LINGO2: variants seen among roughly 807,000 people sequenced by gnomAD.
LINGO2 encodes leucine rich repeat and Ig domain containing 2.
LINGO2 carries 14 observed loss-of-function variants against 30.6 expected under a neutral mutation model. The ratio of observed to expected loss-of-function variants is 0.46; its 90% CI spans 0.30 to 0.72. The LOEUF is 0.72. Ranked by LOEUF, LINGO2 falls within the 30% of genes least tolerant of loss-of-function variation. The pLI is 0.07. For missense variants in LINGO2, 729 were observed against 751.7 expected (o/e 0.97, Z 0.35); for synonymous variants, 317 against 288.5 (o/e 1.10, Z -1.00).
At chr9:28,638,949 G>A (rs1324431773) in intron 1 of LINGO2, among the ~76,000 whole-genome samples, 1 of 151,840 alleles carries the variant, frequency 6.6e-6, no homozygotes. Flanking sequence ...TTTCTCTTGT[G>A]GGCATTTAGT....
chr9:29,035,939 T>TA, the LINGO2 span, among the ~76,000 whole-genome samples: 2 of 151,892 alleles, frequency 1.3e-5, no homozygotes, highest in Admixed American at 1.3e-4. Context: ...GAAAACTGTT[T>TA]AGAGATGAGA....
intron 2 of LINGO2, among the ~76,000 whole-genome samples, chr9:28,467,197 T>C (rs1384268358): frequency 6.6e-6 from 1 of 152,052 alleles, no homozygotes; most frequent in Non-Finnish European, 1.5e-5. Flanking sequence ...GGCTAATTTT[T>C]TGTATTTTTA....
the LINGO2 span, among the ~76,000 whole-genome samples, chr9:28,929,151 C>T: frequency 6.6e-6 from 1 of 152,170 alleles, no homozygotes; most frequent in African/African-American, 2.4e-5. Context: ...CTGTTTCTCT[C>T]TCACATGACT....
intron 1 of LINGO2, among the ~76,000 whole-genome samples, chr9:28,489,758 G>A (rs1284779564): frequency 6.6e-6 from 1 of 151,426 alleles, no homozygotes; most frequent in South Asian, 2.1e-4. Context: ...ATTAGCTGGG[G>A]GTGGTGGTGC....
intron 4 of LINGO2, among the ~76,000 whole-genome samples, chr9:28,222,190 C>A (rs1820988871): frequency 6.6e-6 from 1 of 151,926 alleles, no homozygotes; most frequent in African/African-American, 2.4e-5. Context: ...GAAATATTTC[C>A]CATTCAGTAA....
At chr9:28,117,196 G>A (rs887151397) in intron 4 of LINGO2, among the ~76,000 whole-genome samples, 2 of 151,950 alleles carry the variant, frequency 1.3e-5, no homozygotes, top group East Asian at 1.9e-4. Flanking sequence ...TGCCCCTGGT[G>A]GGGGGTGCCT....
At chr9:29,040,937 C>T in the LINGO2 span, among the ~76,000 whole-genome samples, 1 of 151,970 alleles carries the variant, frequency 6.6e-6, no homozygotes, top group South Asian at 2.1e-4. Flanking sequence ...AATATACATA[C>T]TGAGTTCATT....
At chr9:28,200,914 A>AAATAAATC (rs1170323844) in intron 4 of LINGO2, among the ~76,000 whole-genome samples, 67 of 152,306 alleles carry the variant, frequency 4.4e-4, no homozygotes, top group Non-Finnish European at 5.7e-4. Flanking sequence ...AAAAGATTAA[A>AAATAAATC]AATAAATCAA....
the LINGO2 span, among the ~76,000 whole-genome samples, chr9:28,807,008 A>T: frequency 8.6e-5 from 13 of 150,976 alleles, no homozygotes; most frequent in African/African-American, 2.7e-4. Context: ...TATTATTATT[A>T]TTTTTATAAT....
chr9:27,997,390 GCTCCCCCCTCCCC>G (rs1468925333), intron 5 of LINGO2, among the ~76,000 whole-genome samples: 1 of 152,048 alleles, frequency 6.6e-6, no homozygotes, highest in African/African-American at 2.4e-5. Context: ...TTTGAGATGT[GCTCCCCCCTCCCC>G]CCGTCATAAG....
intron 1 of LINGO2, among the ~76,000 whole-genome samples, chr9:28,561,176 C>A (rs73644066): frequency 0.028 from 4,268 of 151,918 alleles, 186 homozygotes; most frequent in African/African-American, 0.094. Flanking sequence ...TTTCTCTTAC[C>A]ATATGCACTC....
the LINGO2 span, among the ~76,000 whole-genome samples, chr9:28,781,276 C>T: frequency 6.6e-6 from 1 of 151,980 alleles, no homozygotes. Context: ...AGCCAGATGC[C>T]GGGCTCTTAT....
chr9:28,683,349 A>G, the LINGO2 span, among the ~76,000 whole-genome samples: 5 of 152,096 alleles, frequency 3.3e-5, no homozygotes, highest in East Asian at 7.7e-4. Context: ...CTCCATACCA[A>G]TATCTACATG....
intron 1 of LINGO2, among the ~76,000 whole-genome samples, chr9:28,600,275 A>G (rs1383645775): frequency 6.6e-6 from 1 of 152,184 alleles, no homozygotes; most frequent in Non-Finnish European, 1.5e-5. Context: ...TTGTTTCCCC[A>G]GTAATGAGGA....
the LINGO2 span, among the ~76,000 whole-genome samples, chr9:28,706,361 C>A: frequency 2.6e-5 from 4 of 152,062 alleles, no homozygotes; most frequent in African/African-American, 7.2e-5. Context: ...TAAGCACAAA[C>A]ATAGTTTTTA....
At chr9:28,985,960 A>G in the LINGO2 span, among the ~76,000 whole-genome samples, 36 of 151,996 alleles carry the variant, frequency 2.4e-4, no homozygotes, top group Non-Finnish European at 4.4e-4. Context: ...TGTTTCTCCT[A>G]TGTTTTCTTC....
chr9:28,377,863 C>T (rs575045958), intron 2 of LINGO2, among the ~76,000 whole-genome samples: 17 of 152,182 alleles, frequency 1.1e-4, no homozygotes, highest in South Asian at 1.0e-3. Flanking sequence ...GAACAATTTA[C>T]GGTCCAGTAA....
the LINGO2 span, among the ~76,000 whole-genome samples, chr9:28,989,642 A>G: frequency 6.6e-6 from 1 of 152,158 alleles, no homozygotes; most frequent in African/African-American, 2.4e-5. Flanking sequence ...TATAGATCAT[A>G]TGTTTAGACT....
At chr9:28,611,684 C>T (rs1281222944) in intron 1 of LINGO2, among the ~76,000 whole-genome samples, 2 of 151,958 alleles carry the variant, frequency 1.3e-5, no homozygotes, top group East Asian at 3.9e-4. Flanking sequence ...TAATGTCTTC[C>T]TGAGTCATTC....
Sources: allele counts gnomAD v4.1 joint callset (sites outside exome capture counted in the v4.1 genomes callset), GRCh38; gene constraint gnomAD v4.1.1; transcripts MANE v1.5; gene names NCBI Gene and HGNC (gene_info 2026-07-23, HGNC 2026-07-21).